Variants in NTM observed in about 807,000 individuals in gnomAD.
NTM encodes the protein IgLON family member 2.
NTM carries 13 observed loss-of-function variants against 42.1 expected under a neutral mutation model. The observed-to-expected ratio is 0.31, with a 90% CI of 0.20 to 0.49. The LOEUF (loss-of-function observed/expected upper bound fraction) is 0.49, where lower values mean the gene tolerates loss of function less well. Ranked by LOEUF, NTM falls within the 20% of genes least tolerant of loss-of-function variation. The probability of loss-of-function intolerance (pLI) is 0.99; values close to 1 mark genes in which losing one functional copy is unlikely to be tolerated. For synonymous variants in NTM, 187 were observed against 179.2 expected (o/e 1.04, Z -0.35); for missense variants, 373 against 452.8 (o/e 0.82, Z 1.60).
chr11:131,541,093 T>G (rs530072625), intron 1 of NTM, among the ~76,000 whole-genome samples: 2 of 152,200 alleles, frequency 1.3e-5, no homozygotes, highest in African/African-American at 2.4e-5. Flanking sequence ...TCCCCGTGCT[T>G]CTTCATTACT....
chr11:132,170,269 A>T (rs1276770729), intron 3 of NTM, among the ~76,000 whole-genome samples: 1 of 152,250 alleles, frequency 6.6e-6, no homozygotes, highest in Non-Finnish European at 1.5e-5. Flanking sequence ...CTTTAAGGTC[A>T]TGGGGATTCC....
intron 4 of NTM, among the ~76,000 whole-genome samples, chr11:132,254,218 C>T (rs996621174): frequency 2.0e-5 from 3 of 152,078 alleles, no homozygotes; most frequent in Non-Finnish European, 2.9e-5. Flanking sequence ...AGAGACAGAC[C>T]TTATCTCCTG....
chr11:131,666,742 G>A (rs1294979186), intron 1 of NTM, among the ~76,000 whole-genome samples: 4 of 152,198 alleles, frequency 2.6e-5, no homozygotes, highest in Non-Finnish European at 4.4e-5. Flanking sequence ...CAACAGAGAC[G>A]TCCAGGGTCC....
chr11:131,664,209 C>T lies in NTM; in HGVS notation c.83-247355C>T. 1.3e-5 allele frequency among the ~76,000 whole-genome samples: 2 copies of T among 152,224 alleles called. 1 individual carries two copies. The highest frequency in any genetic ancestry group is 2.9e-5 in the Non-Finnish European group (2 of 68,042). On this transcript the variant is annotated intron_variant, in intron 1 of 8. Coordinates refer to ENST00000683400, the MANE Select transcript of NTM (RefSeq NM_001352005.2). ...ATCTGTTACCAATTTGCTGTGTGCC[C>T]TTGGGCAATTTATTAAGTTCTCTGG...
chr11:131,597,104 C>A (rs2059877489), intron 1 of NTM, among the ~76,000 whole-genome samples: 1 of 152,192 alleles, frequency 6.6e-6, no homozygotes, highest in Non-Finnish European at 1.5e-5. Context: ...AGCCCACTGA[C>A]TCAAATGTTA....
At chr11:131,465,980 G>A (rs777020147) in intron 1 of NTM, among the ~76,000 whole-genome samples, 63 of 152,206 alleles carry the variant, frequency 4.1e-4, no homozygotes, top group Non-Finnish European at 3.4e-4. Flanking sequence ...GCCCCTTCAG[G>A]GTAGAAGCTA....
At chr11:131,815,632 C>T (rs557081019) in intron 1 of NTM, among the ~76,000 whole-genome samples, 22 of 152,174 alleles carry the variant, frequency 1.4e-4, no homozygotes, top group Admixed American at 2.6e-4. Context: ...CCCACTTCCC[C>T]CCTCCTGCTG....
intron 2 of NTM, among the ~76,000 whole-genome samples, chr11:132,145,570 A>G (rs1005539915): frequency 6.6e-6 from 1 of 152,252 alleles, no homozygotes; most frequent in Non-Finnish European, 1.5e-5. Context: ...ATGCAAAAAT[A>G]AAAGAAAGAA....
chr11:132,189,496 T>G (rs1009914472), intron 3 of NTM, among the ~76,000 whole-genome samples: 12 of 152,216 alleles, frequency 7.9e-5, no homozygotes, highest in Admixed American at 2.0e-4. Context: ...TGCAGGACAT[T>G]GTTTTATTTC....
intron 2 of NTM, among the ~76,000 whole-genome samples, chr11:131,970,744 G>A (rs1336922844): frequency 6.6e-6 from 1 of 152,198 alleles, no homozygotes; most frequent in East Asian, 1.9e-4. Flanking sequence ...CAGGGTGGCT[G>A]AGGGTTGAGT....
At chr11:131,498,536 A>G (rs1290650662) in intron 1 of NTM, among the ~76,000 whole-genome samples, 2 of 152,120 alleles carry the variant, frequency 1.3e-5, no homozygotes, top group Non-Finnish European at 2.9e-5. Flanking sequence ...CCAAACATAC[A>G]CACACGCACA....
intron 1 of NTM, among the ~76,000 whole-genome samples, chr11:131,444,203 C>CAAAAAAAAAAAAAAAAAAAAAAAAAA: frequency 2.0e-5 from 1 of 49,504 alleles, no homozygotes; most frequent in Non-Finnish European, 3.6e-5. Context: ...AGGTTAGAAC[C>CAAAAAAAAAAAAAAAAAAAAAAAAAA]AAAAAAAAAA....
intron 1 of NTM, among the ~76,000 whole-genome samples, chr11:131,786,520 G>A (rs1296767310): frequency 6.6e-6 from 1 of 152,146 alleles, no homozygotes; most frequent in Non-Finnish European, 1.5e-5. Flanking sequence ...TTTATTTAAT[G>A]ACCCAGATGA....
At chr11:131,474,481 C>T (rs1952733115) in intron 1 of NTM, among the ~76,000 whole-genome samples, 1 of 152,112 alleles carries the variant, frequency 6.6e-6, no homozygotes, top group Admixed American at 6.6e-5. Context: ...TACATGCCCA[C>T]CTGTCTGCCA....
intron 1 of NTM, among the ~76,000 whole-genome samples, chr11:131,856,316 T>C (rs1000646496): frequency 2.0e-5 from 3 of 152,068 alleles, no homozygotes; most frequent in Non-Finnish European, 2.9e-5. Context: ...AATTATATAT[T>C]GCATAATTTT....
At chr11:131,628,783 G>A (rs2063369220) in intron 1 of NTM, among the ~76,000 whole-genome samples, 1 of 152,224 alleles carries the variant, frequency 6.6e-6, no homozygotes, top group African/African-American at 2.4e-5. Flanking sequence ...GGGCTGAAGT[G>A]CTAAAGTGCT....
intron 3 of NTM, among the ~76,000 whole-genome samples, chr11:132,175,466 A>G (rs757366302): frequency 8.5e-5 from 13 of 152,222 alleles, no homozygotes; most frequent in Non-Finnish European, 1.9e-4. Flanking sequence ...CAAATGAAGA[A>G]TAACTCCTCT....
chr11:131,896,681 T>C (rs2052322532), intron 1 of NTM, among the ~76,000 whole-genome samples: 1 of 84,532 alleles, frequency 1.2e-5, no homozygotes, highest in Non-Finnish European at 2.1e-5. Context: ...ATTTTAGGCT[T>C]TTTTTTTTTT....
intron 3 of NTM, among the ~76,000 whole-genome samples, chr11:132,186,346 A>G (rs570747288): frequency 6.6e-6 from 1 of 152,342 alleles, no homozygotes; most frequent in East Asian, 1.9e-4. Context: ...GTGGATGGCC[A>G]GCCCCTATGA....
Sources: gnomAD v4.1 joint callset for allele counts (sites outside exome capture counted in the v4.1 genomes callset) on GRCh38, gnomAD v4.1.1 for gene constraint, MANE v1.5 for transcripts, NCBI Gene and HGNC (gene_info 2026-07-23, HGNC 2026-07-21) for gene names.